VPS8: variants seen among roughly 807,000 people sequenced by gnomAD.
VPS8 encodes vacuolar protein sorting-associated protein 8 homolog.
In VPS8, 129 loss-of-function variants were observed where a neutral mutation model predicts 216.4. The ratio of observed to expected loss-of-function variants is 0.60; its 90% CI spans 0.52 to 0.69. The LOEUF (loss-of-function observed/expected upper bound fraction) is 0.69, where lower values mean the gene tolerates loss of function less well. VPS8 is among the 30% of genes least tolerant of loss of function. The probability of loss-of-function intolerance (pLI) is 0.00; values close to 1 mark genes in which losing one functional copy is unlikely to be tolerated. For missense variants in VPS8, 1,531 were observed against 1,683.5 expected (o/e 0.91, Z 1.59); for synonymous variants, 571 against 565.4 (o/e 1.01, Z -0.14).
At chr3:184,986,579 G>A (rs76275321) in intron 42 of VPS8, among the ~76,000 whole-genome samples, 1 of 152,250 alleles carries the variant, frequency 6.6e-6, no homozygotes, top group Non-Finnish European at 1.5e-5. Flanking sequence ...TTCTCATGAA[G>A]GAGACAGAGG....
chr3:184,909,514 C>G (rs545334657), intron 25 of VPS8, among the ~76,000 whole-genome samples: 1 of 152,108 alleles, frequency 6.6e-6, no homozygotes, highest in Non-Finnish European at 1.5e-5. Context: ...TTCATTTGCT[C>G]TTAACTCCTT....
rs1331179483 is a variant in VPS8, at chr3:184,868,934, T to C, written c.1507-12T>C. The C allele has an allele frequency of 6.3e-7, 1 of 1,597,688 alleles. No homozygotes were observed. The highest frequency in any genetic ancestry group is 1.1e-5 in the South Asian group (1 of 87,840). On this transcript the variant is annotated splice_polypyrimidine_tract_variant and intron_variant, in intron 18 of 47. Coordinates refer to ENST00000625842, the MANE Select transcript of VPS8 (RefSeq NM_001009921.3). ...ACAAAGGGGCCTGGTTTCTCTCATTTTTCCGTTTTAGAGAGTGGATCATCT... is the reference window on the plus strand; with the variant it reads ...ACAAAGGGGCCTGGTTTCTCTCATTCTTCCGTTTTAGAGAGTGGATCATCT...
At position 184,862,923 on chromosome 3, in the gene VPS8, C is replaced by T. The variant is rs1233368308; in HGVS notation, c.1251C>T (p.Leu417=). The T allele has an allele frequency of 5.0e-6, 8 of 1,613,682 alleles. No homozygotes were observed. ...FTWINSRTVV[L]LDSVEKLHVI... Reference sequence around the variant, plus strand: ...GGATAAATTCACGCACAGTTGTGCTCTTAGACAGCGTAGAGAAGTTGCATG... The same window carrying T: ...GGATAAATTCACGCACAGTTGTGCTTTTAGACAGCGTAGAGAAGTTGCATG... The change falls in exon 16 of 48, where the codon CTC becomes CTT. Residue 417 remains leucine (L), a synonymous_variant. Transcript: ENST00000625842.
intron 3 of VPS8, among the ~76,000 whole-genome samples, chr3:184,829,355 C>T (rs551039437): frequency 2.0e-5 from 3 of 152,082 alleles, no homozygotes; most frequent in Non-Finnish European, 2.9e-5. Context: ...GTGGGATTAC[C>T]GGCATGCACC....
rs188430063 is a variant in VPS8, at chr3:184,835,204, G to C, written c.447+462G>C. On this transcript the variant is annotated intron_variant, in intron 5 of 47. Coordinates refer to ENST00000625842, the MANE Select transcript of VPS8 (RefSeq NM_001009921.3). ...CTTATTTCATTTATTCTTACAACTT[G>C]GAAACTAGGTAAAGCTGTATTCTAT... 1.9e-3 allele frequency among the ~76,000 whole-genome samples: 288 copies of C among 149,610 alleles called. 5 individuals carry two copies. Among genetic ancestry groups the C allele is most frequent in the Non-Finnish European group, 4.3e-4 (29 of 67,610 alleles).
At chr3:184,999,071 T>C (rs1753037528) in intron 44 of VPS8, among the ~76,000 whole-genome samples, 1 of 151,888 alleles carries the variant, frequency 6.6e-6, no homozygotes. Context: ...TGGTTTTTTT[T>C]TTTGAGACAG....
At chr3:185,042,683 C>A (rs1429100669) in intron 46 of VPS8, among the ~76,000 whole-genome samples, 1 of 152,168 alleles carries the variant, frequency 6.6e-6, no homozygotes, top group Non-Finnish European at 1.5e-5. Context: ...GATGGCCACC[C>A]CTTTCCAACC....
At chr3:184,929,798 T>C in intron 33 of VPS8, 134 bp downstream of exon 33, 2 of 549,562 alleles carry the variant, frequency 3.6e-6, no homozygotes, top group Admixed American at 8.2e-5. Context: ...CAGATACAGT[T>C]CTTGCAGTTT....
chr3:184,896,902 T>C (rs1218809967), intron 23 of VPS8, among the ~76,000 whole-genome samples: 3 of 152,162 alleles, frequency 2.0e-5, no homozygotes, highest in African/African-American at 4.8e-5. Context: ...GGAGGCAGCA[T>C]TGAGTCTTGG....
rs185356648 is a variant in VPS8, at chr3:184,971,214, T to C, written c.3317-435T>C. Among the ~76,000 whole-genome samples the C allele has an allele frequency of 5.9e-5, 9 of 152,260 alleles. No individual in the cohort carries two copies. The Middle Eastern group carries it at 0.014, about 230-fold the overall frequency. ...TGTTTGAAAGTTATGAACAAAGATATGAGAGTTGAAACAAGAATGGCTGAA... is the reference window on the plus strand; with the variant it reads ...TGTTTGAAAGTTATGAACAAAGATACGAGAGTTGAAACAAGAATGGCTGAA... On this transcript the variant is annotated intron_variant, in intron 39 of 47. Transcript: ENST00000625842.
chr3:185,039,085 G>C (rs113699367), intron 46 of VPS8, among the ~76,000 whole-genome samples: 2,206 of 152,282 alleles, frequency 0.014, 56 homozygotes, highest in African/African-American at 0.049. Context: ...AAGAGAGCCT[G>C]CTGTTCTTGG....
At chr3:184,909,883 A>G (rs1736156945) in intron 25 of VPS8, among the ~76,000 whole-genome samples, 1 of 151,642 alleles carries the variant, frequency 6.6e-6, no homozygotes, top group Non-Finnish European at 1.5e-5. Context: ...ATTTTTCTCC[A>G]TTGCTCTATC....
At chr3:185,048,304 G>C (rs1031970349) in intron 46 of VPS8, among the ~76,000 whole-genome samples, 175 bp from the exon 47 acceptor site, 5 of 152,198 alleles carry the variant, frequency 3.3e-5, no homozygotes, top group African/African-American at 1.2e-4. Context: ...GGGATCTTAG[G>C]GGACGTGCCG....
chr3:184,957,373 G>T lies in VPS8; in HGVS notation c.3036-1G>T. 1 of 1,605,242 alleles carries T rather than the reference G, an allele frequency of 6.2e-7. No homozygotes were observed. The highest frequency in any genetic ancestry group is 1.7e-5 in the Admixed American group (1 of 58,686). The stretch of plus-strand genomic sequence containing the variant: ...GTTCTCTTTATCTTTTATGTTTTTA[G>T]GGAAGGTATTCATGTAAATCAAGAA... On this transcript the variant is annotated splice_acceptor_variant, in intron 36 of 47. Transcript: ENST00000625842. LOFTEE classifies it high-confidence loss of function.
chr3:184,977,884 C>CTTTTTTTTT (rs55727843), intron 40 of VPS8, among the ~76,000 whole-genome samples: 28 of 131,216 alleles, frequency 2.1e-4, no homozygotes, highest in Non-Finnish European at 2.7e-4. Context: ...TTTCTTTTTT[C>CTTTTTTTTT]TTTTTTTTTT....
At chr3:185,010,465 A>T (rs1393448688) in intron 45 of VPS8, among the ~76,000 whole-genome samples, 1 of 152,214 alleles carries the variant, frequency 6.6e-6, no homozygotes, top group Non-Finnish European at 1.5e-5. Flanking sequence ...GTAGATAAGG[A>T]CATTCAAAGT....
chr3:184,984,481 C>G (rs891580455), intron 42 of VPS8, among the ~76,000 whole-genome samples: 1 of 151,656 alleles, frequency 6.6e-6, no homozygotes, highest in African/African-American at 2.4e-5. Flanking sequence ...TTAGTAGAGA[C>G]CGGGTTTCTC....
chr3:184,973,282 T>C (rs952539468), intron 40 of VPS8, among the ~76,000 whole-genome samples: 12 of 152,160 alleles, frequency 7.9e-5, no homozygotes, highest in Non-Finnish European at 1.3e-4. Context: ...ACTTTAGATA[T>C]TTTTTGTCTG....
intron 21 of VPS8, among the ~76,000 whole-genome samples, chr3:184,883,469 C>T (rs1460959293): frequency 6.6e-6 from 1 of 152,172 alleles, no homozygotes; most frequent in Admixed American, 6.5e-5. Flanking sequence ...CTTGTGACCT[C>T]TTCATTCAAC....
Sources: allele counts gnomAD v4.1 joint callset (sites outside exome capture counted in the v4.1 genomes callset), GRCh38; gene constraint gnomAD v4.1.1; transcripts MANE v1.5; gene names NCBI Gene and HGNC (gene_info 2026-07-23, HGNC 2026-07-21).